Variants in TRAPPC9 observed in about 807,000 individuals in gnomAD.
The protein encoded by TRAPPC9 is IKK2 binding protein.
In TRAPPC9, 83 loss-of-function variants were observed where a neutral mutation model predicts 124.0. That is an observed-to-expected ratio of 0.67 (90% CI 0.56 to 0.80). The LOEUF (loss-of-function observed/expected upper bound fraction) is 0.80. Among genes scored for constraint, TRAPPC9 ranks in the 30% least tolerant of loss-of-function variants. The pLI is 0.00. For synonymous variants in TRAPPC9, 638 were observed against 617.5 expected (o/e 1.03, Z -0.49); for missense variants, 1,302 against 1,508.3 (o/e 0.86, Z 2.27).
intron 9 of TRAPPC9, among the ~76,000 whole-genome samples, chr8:140,319,656 T>C (rs1184087796): frequency 6.6e-6 from 1 of 151,650 alleles, no homozygotes; most frequent in African/African-American, 2.4e-5. Flanking sequence ...TCTGTAAAGA[T>C]GGGTTTTTGC....
chr8:139,831,630 C>T (rs1408561831), intron 21 of TRAPPC9, among the ~76,000 whole-genome samples: 1 of 152,182 alleles, frequency 6.6e-6, no homozygotes, highest in Non-Finnish European at 1.5e-5. Flanking sequence ...AACACCCCCA[C>T]CGCCGCAGCC....
intron 4 of TRAPPC9, among the ~76,000 whole-genome samples, chr8:140,434,178 G>A (rs1244695622): frequency 2.0e-5 from 3 of 152,112 alleles, no homozygotes; most frequent in Admixed American, 6.6e-5. Flanking sequence ...CCTTGAGCCC[G>A]CTGCTCGGCC....
intron 15 of TRAPPC9, among the ~76,000 whole-genome samples, chr8:140,272,394 T>C (rs1334733799): frequency 7.0e-6 from 1 of 143,630 alleles, no homozygotes; most frequent in Middle Eastern, 3.5e-3. Context: ...ATGGTGATGG[T>C]GGCGATGGTG....
intron 19 of TRAPPC9, among the ~76,000 whole-genome samples, chr8:139,969,981 A>G (rs1440224976): frequency 6.6e-6 from 1 of 152,218 alleles, no homozygotes; most frequent in African/African-American, 2.4e-5. Flanking sequence ...AGTTTTCCAC[A>G]TTGAAGTATT....
intron 17 of TRAPPC9, among the ~76,000 whole-genome samples, chr8:140,064,226 T>C (rs1260113794): frequency 6.6e-6 from 1 of 152,166 alleles, no homozygotes; most frequent in East Asian, 1.9e-4. Flanking sequence ...AAAAATAGCA[T>C]TGTGTTCATA....
At chr8:140,313,375 GA>G (rs2131894035) in intron 9 of TRAPPC9, among the ~76,000 whole-genome samples, 1 of 152,266 alleles carries the variant, frequency 6.6e-6, no homozygotes, top group East Asian at 1.9e-4. Context: ...CGTTATCCAA[GA>G]AAGGAAAGGC....
chr8:140,410,109 C>G (rs979620918), intron 5 of TRAPPC9, among the ~76,000 whole-genome samples: 2 of 139,394 alleles, frequency 1.4e-5, no homozygotes, highest in Non-Finnish European at 3.0e-5. Context: ...CCACTGCACT[C>G]CAGCCTGGGT....
At chr8:140,412,084 AT>A (rs1383893711) in intron 5 of TRAPPC9, among the ~76,000 whole-genome samples, 9 of 152,208 alleles carry the variant, frequency 5.9e-5, no homozygotes, top group Non-Finnish European at 1.5e-5. Context: ...ATCGAGAAAA[AT>A]AGTAACTTTA....
intron 21 of TRAPPC9, among the ~76,000 whole-genome samples, chr8:139,815,839 C>T (rs78643596): frequency 0.14 from 20,830 of 152,234 alleles, 1,512 homozygotes; most frequent in Admixed American, 0.2. Flanking sequence ...AAGGAGGCTG[C>T]GTGTGCAAAC....
At chr8:140,171,948 G>A (rs77435404) in intron 17 of TRAPPC9, among the ~76,000 whole-genome samples, 1 of 152,190 alleles carries the variant, frequency 6.6e-6, no homozygotes, top group Non-Finnish European at 1.5e-5. Flanking sequence ...CGTGAGGAGG[G>A]CAGAAAAGCA....
chr8:140,308,475 G>A (rs537480464), intron 10 of TRAPPC9, among the ~76,000 whole-genome samples: 48 of 152,118 alleles, frequency 3.2e-4, no homozygotes, highest in African/African-American at 7.2e-4. Context: ...TACGATCCAC[G>A]TGAGGAAGGA....
chr8:140,441,570 C>T lies in TRAPPC9; in HGVS notation c.585-2373G>A, dbSNP rs191789445. Among the ~76,000 whole-genome samples the T allele has an allele frequency of 4.8e-3, 724 of 152,164 alleles. 5 individuals are homozygous for T. The highest frequency in any genetic ancestry group is 0.016 in the African/African-American group (673 of 41,536). On this transcript the variant is annotated intron_variant, in intron 2 of 22. Coordinates refer to ENST00000438773, the MANE Select transcript of TRAPPC9 (RefSeq NM_001160372.4). ...GCATGGTGGCTCATACCTGTAATACCACCACTTTGGGAGGCCAAGGCAGGA... is the reference window on the plus strand; with the variant it reads ...GCATGGTGGCTCATACCTGTAATACTACCACTTTGGGAGGCCAAGGCAGGA...
chr8:139,732,239 C>T (rs775092251), intron 21 of TRAPPC9, 37 bp from the exon 22 acceptor site: 3 of 1,513,762 alleles, frequency 2.0e-6, no homozygotes, highest in African/African-American at 1.4e-5. Flanking sequence ...GCTGGGCTGG[C>T]CTGCACGGCC....
intron 17 of TRAPPC9, among the ~76,000 whole-genome samples, chr8:140,147,116 C>G (rs761733895): frequency 2.0e-5 from 3 of 152,190 alleles, no homozygotes; most frequent in Non-Finnish European, 2.9e-5. Flanking sequence ...ATATTTTACT[C>G]TACCCTACAA....
chr8:140,210,177 G>A (rs989414602), intron 17 of TRAPPC9, among the ~76,000 whole-genome samples: 7 of 152,226 alleles, frequency 4.6e-5, no homozygotes, highest in African/African-American at 7.2e-5. Context: ...GGCCGGAACC[G>A]TGAATTCTGC....
intron 17 of TRAPPC9, among the ~76,000 whole-genome samples, chr8:140,214,974 C>T (rs2063155292): frequency 6.6e-6 from 1 of 152,174 alleles, no homozygotes; most frequent in Non-Finnish European, 1.5e-5. Context: ...ATCATTCCTG[C>T]TTCGGGGAGA....
intron 6 of TRAPPC9, among the ~76,000 whole-genome samples, chr8:140,404,946 G>GTGTGTGTGTGTGTC (rs910246104): frequency 2.0e-5 from 3 of 150,882 alleles, no homozygotes; most frequent in Non-Finnish European, 4.4e-5. Flanking sequence ...GTGTGTGTGT[G>GTGTGTGTGTGTGTC]TCTCATAGGC....
upstream of TRAPPC9, chr8:140,458,548 T>C: frequency 6.3e-7 from 1 of 1,580,178 alleles, no homozygotes; most frequent in Non-Finnish European, 8.6e-7. Context: ...GCGGTCTTGA[T>C]CCCCAGCTGG....
rs1304930042 is a variant in TRAPPC9, at chr8:139,776,491, T to G, written c.3056-44289A>C. On this transcript the variant is annotated intron_variant, in intron 21 of 22. Transcript: ENST00000438773. This position sits in a 1 kb window ranked among gnomAD's most constrained non-coding sequence, Gnocchi z 4.1. ...CGCTTGTTTACACAGGTGATGCATC[T>G]CAACCCATTCGGCAAACGGGAGCTT... Among the ~76,000 whole-genome samples, 2 of 152,202 alleles carry G rather than the reference T, an allele frequency of 1.3e-5. No homozygotes were observed. The highest frequency in any genetic ancestry group is 4.8e-5 in the African/African-American group (2 of 41,462).
Sources: allele counts gnomAD v4.1 joint callset (sites outside exome capture counted in the v4.1 genomes callset), GRCh38; gene constraint gnomAD v4.1.1; non-coding constraint Gnocchi (gnomAD v3.1); transcripts MANE v1.5; gene names NCBI Gene and HGNC (gene_info 2026-07-23, HGNC 2026-07-21).